The following ARHGEF6 variants were observed in gnomAD, a reference collection of about 807,000 sequenced individuals.
ARHGEF6 encodes the protein Rac/Cdc42 guanine nucleotide exchange factor 6, also known as rho guanine nucleotide exchange factor 6.
Under a neutral mutation model 70.3 loss-of-function variants are expected in ARHGEF6, and 9 were observed. The ratio of observed to expected loss-of-function variants is 0.13; its 90% CI spans 0.08 to 0.22. The LOEUF is 0.22. Among genes scored for constraint, ARHGEF6 ranks in the 10% least tolerant of loss-of-function variants. The pLI is 1.00. For missense variants in ARHGEF6, 470 were observed against 563.0 expected (o/e 0.83, Z 1.67); for synonymous variants, 201 against 207.8 (o/e 0.97, Z 0.28).
chrX:136,770,994 C>T (rs538344603), intron 2 of ARHGEF6, among the ~76,000 whole-genome samples: 2 of 112,069 alleles, frequency 1.8e-5, no homozygotes, highest in South Asian at 7.3e-4. Flanking sequence ...AAGACCTTGT[C>T]TCAAAAAAAT....
chrX:136,732,289 AC>A, intron 5 of ARHGEF6, 117 bp from the exon 6 acceptor site: 3 of 564,289 alleles, frequency 5.3e-6, no homozygotes, highest in Non-Finnish European at 8.9e-6. Flanking sequence ...ATGGAAATGT[AC>A]ATTCCTAAAC....
Position 136,732,187 on chromosome X carries a change from T to A in ARHGEF6, c.662-15A>T. 1 of 1,165,244 alleles carries A rather than the reference T, an allele frequency of 8.6e-7. No individual in the cohort carries two copies. The highest frequency in any genetic ancestry group is 1.2e-6 in the Non-Finnish European group (1 of 855,469). The stretch of plus-strand genomic sequence containing the variant: ...GAGAGGTCTCTCTGTGAAAAAAACA[T>A]TTAAATTATGTTAATATCACAGAAG... On this transcript the variant is annotated splice_polypyrimidine_tract_variant and intron_variant, in intron 5 of 21. Transcript: ENST00000250617.
chrX:136,716,895 T>C (rs904017307), intron 6 of ARHGEF6, among the ~76,000 whole-genome samples: 1 of 111,731 alleles, frequency 9.0e-6, no homozygotes, highest in Non-Finnish European at 1.9e-5. Flanking sequence ...CTTGAGAATA[T>C]GTCAATAGAA....
At chrX:136,696,443 G>T (rs1187067328) in intron 9 of ARHGEF6, among the ~76,000 whole-genome samples, 2 of 110,179 alleles carry the variant, frequency 1.8e-5, no homozygotes, top group Non-Finnish European at 3.8e-5. Context: ...CATAGTGAAA[G>T]CCCTGTCTCT....
rs371471531 is a variant in ARHGEF6 at position 136,768,067 on chromosome X, C to G, written c.249+11347G>C. Among the ~76,000 whole-genome samples the G allele has an allele frequency of 7.2e-5, 8 of 111,136 alleles. No homozygotes were observed. In the East Asian group the frequency reaches 8.5e-4, roughly 12 times the overall value. ...GGTGGCCTGCTTCCTCCCTCACCCC[C>G]AGATGCAACTCAGAACCCCCAAACT... On this transcript the variant is annotated intron_variant, in intron 2 of 21. Coordinates refer to ENST00000250617, the MANE Select transcript of ARHGEF6 (RefSeq NM_004840.3).
At chrX:136,677,498 T>G (rs1262563766) in intron 17 of ARHGEF6, among the ~76,000 whole-genome samples, 1 of 111,705 alleles carries the variant, frequency 9.0e-6, no homozygotes, top group African/African-American at 3.3e-5. Context: ...AACCTTAGAC[T>G]TAGGAAAAAA....
chrX:136,773,183 C>T, intron 2 of ARHGEF6, among the ~76,000 whole-genome samples: 1 of 111,629 alleles, frequency 9.0e-6, no homozygotes, highest in South Asian at 3.8e-4. Context: ...TCTGCATTTC[C>T]AAGCTGACAA....
chrX:136,678,550 GA>G (rs1164678357), intron 16 of ARHGEF6, among the ~76,000 whole-genome samples: 3 of 111,605 alleles, frequency 2.7e-5, no homozygotes, highest in Non-Finnish European at 1.9e-5. Context: ...ATGTCAAGTT[GA>G]AAGGATCAAA....
chrX:136,683,137 C>T (rs1028189212), intron 12 of ARHGEF6, among the ~76,000 whole-genome samples: 7 of 111,691 alleles, frequency 6.3e-5, no homozygotes, highest in African/African-American at 2.3e-4. Flanking sequence ...ACAGTTTATG[C>T]AGCCAGTGAG....
At chrX:136,758,766 C>T (rs57132325) in intron 2 of ARHGEF6, among the ~76,000 whole-genome samples, 8,782 of 111,035 alleles carry the variant, frequency 0.079, 611 homozygotes, top group African/African-American at 0.22. Context: ...AACTCCTGAC[C>T]ATCTACATGT....
chrX:136,693,965 G>A (rs2076484382), intron 9 of ARHGEF6, among the ~76,000 whole-genome samples: 1 of 111,266 alleles, frequency 9.0e-6, no homozygotes, highest in African/African-American at 3.3e-5. Context: ...ACTCACACTG[G>A]GTAGAGTGGT....
Position 136,747,538 on chromosome X carries a change from T to G in ARHGEF6, c.304A>C (p.Thr102Pro). The G allele has an allele frequency of 8.3e-7, 1 of 1,208,102 alleles. No individual in the cohort carries two copies. The highest frequency in any genetic ancestry group is 1.1e-6 in the Non-Finnish European group (1 of 893,768). Residue 102 changes from threonine to proline, a missense_variant, in exon 3 of 22, where the codon ACT becomes CCT. Coordinates refer to ENST00000250617, the MANE Select transcript of ARHGEF6 (RefSeq NM_004840.3). ...GTTGCTTTGTTGACAGCTAAAAGAG[T>G]ACTCAGTACCTTGGAGAAATTGACC... is the stretch of plus-strand genomic sequence containing the variant. ...SGVNFSKVLS[T>P]LLAVNKATED...
intron 2 of ARHGEF6, among the ~76,000 whole-genome samples, chrX:136,770,283 A>G (rs2077354565): frequency 8.9e-6 from 1 of 112,834 alleles, no homozygotes; most frequent in African/African-American, 3.2e-5. Context: ...AATACAGCAT[A>G]CAAATATAAT....
At chrX:136,750,736 A>G (rs998043625) in intron 2 of ARHGEF6, among the ~76,000 whole-genome samples, 2 of 112,212 alleles carry the variant, frequency 1.8e-5, no homozygotes, top group African/African-American at 3.2e-5. Flanking sequence ...AAACTTTATT[A>G]AAGATATTTT....
intron 2 of ARHGEF6, among the ~76,000 whole-genome samples, chrX:136,775,136 C>A (rs760883170): frequency 1.1e-3 from 118 of 111,098 alleles, no homozygotes; most frequent in Non-Finnish European, 5.1e-4. Context: ...AAAATTGGTA[C>A]CAATCCTTCT....
chrX:136,714,449 T>C, intron 6 of ARHGEF6, among the ~76,000 whole-genome samples: 1 of 112,310 alleles, frequency 8.9e-6, no homozygotes, highest in Non-Finnish European at 1.9e-5. Flanking sequence ...CAGTTAACAT[T>C]CTGGTATATT....
intron 10 of ARHGEF6, among the ~76,000 whole-genome samples, chrX:136,688,670 C>G (rs2076428922): frequency 9.0e-6 from 1 of 111,392 alleles, no homozygotes; most frequent in African/African-American, 3.3e-5. Context: ...AACAAACAAA[C>G]AAACAAACAA....
intron 2 of ARHGEF6, among the ~76,000 whole-genome samples, chrX:136,749,203 G>T (rs5930986): frequency 0.29 from 32,170 of 110,622 alleles, 3,527 homozygotes; most frequent in Middle Eastern, 0.4. Flanking sequence ...GTTTTAGTTT[G>T]TCAAAGCCTG....
At chrX:136,729,871 T>C (rs936589445) in intron 6 of ARHGEF6, among the ~76,000 whole-genome samples, 8 of 110,114 alleles carry the variant, frequency 7.3e-5, no homozygotes, top group African/African-American at 2.6e-4. Flanking sequence ...AATACATAAT[T>C]TCCTGTTTTA....
Sources: allele counts gnomAD v4.1 joint callset (sites outside exome capture counted in the v4.1 genomes callset), GRCh38; gene constraint gnomAD v4.1.1; transcripts MANE v1.5; gene names NCBI Gene and HGNC (gene_info 2026-07-23, HGNC 2026-07-21).